The following CNTLN variants were observed in gnomAD, a reference collection of about 807,000 sequenced individuals.
CNTLN encodes the protein centlein.
A neutral mutation model predicts 180.0 loss-of-function variants in CNTLN; 212 were observed. That is an observed-to-expected ratio of 1.18 (90% confidence interval 1.05 to 1.32). The LOEUF (loss-of-function observed/expected upper bound fraction) is 1.32, where lower values mean the gene tolerates loss of function less well. CNTLN is among the 40% of genes most tolerant of loss of function. CNTLN has a pLI of 0.00. For synonymous variants in CNTLN, 722 were observed against 563.1 expected, an observed-to-expected ratio of 1.28 and a Z score of -3.99; for missense variants, 2,095 against 1,610.9, an observed-to-expected ratio of 1.30 and a Z score of -5.14.
chr9:17,174,373 G>A (rs1820588954), intron 2 of CNTLN, among the ~76,000 whole-genome samples: 1 of 152,108 alleles, frequency 6.6e-6, no homozygotes, highest in Admixed American at 6.5e-5. Context: ...TAATTGCTGG[G>A]CCATGTGATT....
intron 12 of CNTLN, among the ~76,000 whole-genome samples, chr9:17,364,544 AC>A (rs1241967385): frequency 2.0e-5 from 3 of 152,126 alleles, no homozygotes; most frequent in Non-Finnish European, 4.4e-5. Context: ...CTTTTTAAAA[AC>A]ATTTTAAAAA....
At chr9:17,201,620 C>T (rs1169012946) in intron 2 of CNTLN, among the ~76,000 whole-genome samples, 2 of 152,040 alleles carry the variant, frequency 1.3e-5, no homozygotes, top group East Asian at 3.8e-4. Flanking sequence ...AGTTTTTTTG[C>T]GTAGAGGTGT....
chr9:17,290,803 C>T (rs972568213), intron 6 of CNTLN, among the ~76,000 whole-genome samples: 19 of 152,182 alleles, frequency 1.2e-4, no homozygotes, highest in African/African-American at 3.9e-4. Flanking sequence ...TTCTTTGACT[C>T]GGAAAGGGAA....
At chr9:17,306,189 G>T (rs1412313632) in intron 7 of CNTLN, among the ~76,000 whole-genome samples, 11 of 127,034 alleles carry the variant, frequency 8.7e-5, no homozygotes, top group Admixed American at 8.4e-4. Flanking sequence ...TTGCCCTGTT[G>T]TCCTGGCTGG....
At position 17,484,522 on chromosome 9, in the gene CNTLN, C is replaced by T. The variant is rs758647554; in HGVS notation, c.4041+42C>T. 5.6e-5 allele frequency: 81 copies of T among 1,448,580 alleles called. No homozygotes were observed. The South Asian group carries it at 9.9e-4, about 18-fold the overall frequency. 89.7% of individuals were successfully genotyped at this position (1,448,580 alleles called of 1,614,324 possible). A position where few individuals can be genotyped will look rare whatever the true frequency, so the allele number is the denominator to read the frequency against. On this transcript the variant is annotated intron_variant, in intron 24 of 25. Coordinates refer to ENST00000380647, the MANE Select transcript of CNTLN (RefSeq NM_017738.4). ...ATTTATTATTAAAGGGTTTATTATA[C>T]ACTGGACTTAAGTAGATATTTTTAT...
intron 5 of CNTLN, among the ~76,000 whole-genome samples, chr9:17,246,387 T>C (rs935922181): frequency 6.6e-6 from 1 of 152,168 alleles, no homozygotes; most frequent in African/African-American, 2.4e-5. Flanking sequence ...TTCCCTTACT[T>C]TCCCTGAAAC....
chr9:17,243,505 G>T (rs1825618886), intron 5 of CNTLN, among the ~76,000 whole-genome samples: 1 of 151,964 alleles, frequency 6.6e-6, no homozygotes, highest in African/African-American at 2.4e-5. Context: ...TTTTGGTATG[G>T]TGTGTTTCCG....
intron 9 of CNTLN, among the ~76,000 whole-genome samples, chr9:17,331,873 T>C (rs1040670121): frequency 1.3e-5 from 2 of 151,998 alleles, no homozygotes; most frequent in African/African-American, 4.8e-5. Context: ...CTTGCTCGAT[T>C]GCTGAAATTT....
chr9:17,307,576 C>A (rs1356291473), intron 7 of CNTLN, among the ~76,000 whole-genome samples: 1 of 148,576 alleles, frequency 6.7e-6, no homozygotes, highest in Non-Finnish European at 1.5e-5. Flanking sequence ...GCCAGAGATA[C>A]ATTTTTTTTT....
chr9:17,314,368 A>G (rs1017747250), intron 8 of CNTLN, among the ~76,000 whole-genome samples: 2 of 152,158 alleles, frequency 1.3e-5, no homozygotes, highest in Non-Finnish European at 2.9e-5. Context: ...TTTCTGTTGT[A>G]TTACTCATGG....
chr9:17,411,359 T>C (rs1043594660), intron 16 of CNTLN, among the ~76,000 whole-genome samples: 2 of 152,046 alleles, frequency 1.3e-5, no homozygotes, highest in Non-Finnish European at 2.9e-5. Flanking sequence ...CAGAGAAAAA[T>C]TGCAACCCTG....
chr9:17,237,727 C>T (rs959063992), intron 5 of CNTLN, among the ~76,000 whole-genome samples: 6 of 151,002 alleles, frequency 4.0e-5, no homozygotes, highest in Admixed American at 1.3e-4. Flanking sequence ...TACTGAGGGA[C>T]GATGGTAATA....
chr9:17,413,467 G>T (rs2780208), intron 16 of CNTLN, among the ~76,000 whole-genome samples: 130,556 of 152,028 alleles, frequency 0.86, 56,613 homozygotes, highest in Non-Finnish European at 0.93. Context: ...ATATAGAAGA[G>T]GAAAAGACAA....
chr9:17,409,037 T>C (rs1827633432), intron 15 of CNTLN, among the ~76,000 whole-genome samples: 1 of 152,150 alleles, frequency 6.6e-6, no homozygotes, highest in Non-Finnish European at 1.5e-5. Flanking sequence ...GAGTTAACAC[T>C]TGGTTGAAGT....
At chr9:17,346,136 G>A (rs1057084327) in intron 12 of CNTLN, among the ~76,000 whole-genome samples, 2 of 152,172 alleles carry the variant, frequency 1.3e-5, no homozygotes, top group African/African-American at 4.8e-5. Flanking sequence ...ATGGTGGAAG[G>A]TGAAGGGGAA....
intron 15 of CNTLN, among the ~76,000 whole-genome samples, chr9:17,401,770 A>G (rs1391494979): frequency 6.6e-6 from 1 of 151,712 alleles, no homozygotes; most frequent in African/African-American, 2.4e-5. Context: ...TAGGAAGTAT[A>G]CTTAAGCAAG....
intron 2 of CNTLN, among the ~76,000 whole-genome samples, chr9:17,197,985 A>C (rs1822244525): frequency 6.6e-6 from 1 of 152,062 alleles, no homozygotes; most frequent in Admixed American, 6.6e-5. Context: ...CCATTTATTG[A>C]AGAGACTCTC....
intron 18 of CNTLN, chr9:17,448,270 A>T (rs1013433529): frequency 6.5e-6 from 1 of 154,650 alleles, no homozygotes; most frequent in African/African-American, 2.4e-5. Flanking sequence ...CTGGATGAAG[A>T]AATTTTTCAC....
At chr9:17,445,020 T>C (rs1406639119) in intron 18 of CNTLN, among the ~76,000 whole-genome samples, 2 of 152,188 alleles carry the variant, frequency 1.3e-5, no homozygotes, top group Admixed American at 1.3e-4. Context: ...TGTTGGTCCT[T>C]AGTTTTTTAA....
Sources: gnomAD v4.1 joint callset for allele counts (sites outside exome capture counted in the v4.1 genomes callset) on GRCh38, gnomAD v4.1.1 for gene constraint, MANE v1.5 for transcripts, NCBI Gene and HGNC (gene_info 2026-07-23, HGNC 2026-07-21) for gene names.